METTL6: variants seen among roughly 807,000 people sequenced by gnomAD.
METTL6 encodes the protein tRNA N(3)-cytidine methyltransferase METTL6.
A neutral mutation model predicts 26.4 loss-of-function variants in METTL6; 22 were observed. The ratio of observed to expected loss-of-function variants is 0.83; its 90% confidence interval spans 0.59 to 1.19. METTL6 has a LOEUF of 1.19. Among genes scored for constraint, METTL6 ranks in the 50% most tolerant of loss-of-function variants. METTL6 has a pLI of 0.00. For missense variants in METTL6, 304 were observed against 324.8 expected, an observed-to-expected ratio of 0.94 and a Z score of 0.49; for synonymous variants, 109 against 116.2, an observed-to-expected ratio of 0.94 and a Z score of 0.40.
chr3:15,410,146 C>A lies in METTL6; in HGVS notation c.*1110G>T, dbSNP rs1490052040. Among the ~76,000 whole-genome samples the A allele has an allele frequency of 6.6e-6, 1 of 152,114 alleles. No individual in the cohort carries two copies. The highest frequency in any genetic ancestry group is 6.6e-5 in the Admixed American group (1 of 15,266). ...TTTATTTACATGTCTCTAACACACA[C>A]ACATACACTTCCTATTTTTTAATAC... On this transcript the variant is annotated 3_prime_UTR_variant, in exon 6 of 6. Transcript: ENST00000383790.
chr3:15,386,222 C>T (rs1379422775), intron 6 of METTL6, among the ~76,000 whole-genome samples: 1 of 152,116 alleles, frequency 6.6e-6, no homozygotes, highest in Admixed American at 6.5e-5. Context: ...TGTAAATTGT[C>T]ATGGTGCTGG....
chr3:15,415,080 GT>G (rs1394680645), intron 4 of METTL6, among the ~76,000 whole-genome samples: 1 of 151,964 alleles, frequency 6.6e-6, no homozygotes, highest in East Asian at 1.9e-4. Context: ...CCAGAATGTC[GT>G]TTTGGCTCTT....
At chr3:15,387,181 A>G (rs1333833383) in intron 6 of METTL6, among the ~76,000 whole-genome samples, 1 of 152,172 alleles carries the variant, frequency 6.6e-6, no homozygotes, top group Non-Finnish European at 1.5e-5. Context: ...GAGACAGTTT[A>G]ACAACTGCCT....
At chr3:15,414,330 G>C (rs969691358) in intron 4 of METTL6, 168 bp from the exon 5 acceptor site, 2 of 1,412,594 alleles carry the variant, frequency 1.4e-6, no homozygotes, top group African/African-American at 2.9e-5. Context: ...GTAAGACCAG[G>C]CAGGGCTCCA....
chr3:15,397,434 C>T (rs13068150), intron 6 of METTL6, among the ~76,000 whole-genome samples: 5 of 152,030 alleles, frequency 3.3e-5, no homozygotes, highest in Admixed American at 6.5e-5. Flanking sequence ...TGTGCTTCCC[C>T]GGGGAGGCGA....
chr3:15,406,205 T>C (rs964177048), downstream of METTL6, among the ~76,000 whole-genome samples: 8 of 152,054 alleles, frequency 5.3e-5, 1 homozygote, highest in Admixed American at 4.6e-4. Context: ...GACAAGGCAA[T>C]ATTGGTTGAC....
intron 1 of METTL6, among the ~76,000 whole-genome samples, 192 bp from the exon 2 acceptor site, chr3:15,426,827 T>C (rs2125055809): frequency 6.6e-6 from 1 of 152,336 alleles, no homozygotes; most frequent in Middle Eastern, 3.4e-3. Context: ...CCAGACTATC[T>C]CATGCACCAT....
chr3:15,409,219 A>G (rs1289606691), downstream of METTL6, among the ~76,000 whole-genome samples: 1 of 151,808 alleles, frequency 6.6e-6, no homozygotes, highest in East Asian at 1.9e-4. Context: ...CTATTATCCA[A>G]CCCCTTCACA....
intron 6 of METTL6, among the ~76,000 whole-genome samples, chr3:15,390,748 G>A (rs1157426465): frequency 1.3e-5 from 2 of 152,230 alleles, no homozygotes; most frequent in African/African-American, 4.8e-5. Context: ...GCTCAGTGGA[G>A]GGTCAGGGTG....
chr3:15,413,696 A>G (rs1334224758), intron 5 of METTL6: 1 of 1,249,306 alleles, frequency 8.0e-7, no homozygotes, highest in African/African-American at 1.5e-5. Flanking sequence ...TTTATTTTTA[A>G]CTGGACAAGA....
At chr3:15,398,994 C>G (rs1184741075) in intron 6 of METTL6, among the ~76,000 whole-genome samples, 1 of 152,132 alleles carries the variant, frequency 6.6e-6, no homozygotes, top group Non-Finnish European at 1.5e-5. Context: ...TGGCCAAAAC[C>G]CACCAAAACC....
In METTL6 at chr3:15,411,131, A is replaced by T. The variant is rs966644702; in HGVS notation, c.*125T>A. 4 of 1,058,618 alleles carry T rather than the reference A, an allele frequency of 3.8e-6. No individual in the cohort carries two copies. The highest frequency in any genetic ancestry group is 5.3e-6 in the Non-Finnish European group (4 of 749,292). The allele number at this position is 1,058,618 out of a possible 1,614,324, so 65.6% of individuals were successfully genotyped here. A position where few individuals can be genotyped will look rare whatever the true frequency, so the allele number is the denominator to read the frequency against. On this transcript the variant is annotated 3_prime_UTR_variant, in exon 6 of 6. Transcript: ENST00000383790. ...GCTGGTCTCAAACTCCTGACCTCAG[A>T]TGATCCCCCAACCTCGGCCTCCCGA...
intron 4 of METTL6, 186 bp downstream of exon 4, chr3:15,415,586 G>A (rs1202530905): frequency 6.2e-7 from 1 of 1,605,772 alleles, no homozygotes; most frequent in Non-Finnish European, 8.5e-7. Context: ...CCATGGCACT[G>A]CACAAATCAG....
intron 6 of METTL6, among the ~76,000 whole-genome samples, chr3:15,394,042 C>T (rs1699419705): frequency 6.6e-6 from 1 of 152,258 alleles, no homozygotes; most frequent in South Asian, 2.1e-4. Flanking sequence ...CCCTCTTTTT[C>T]TATTGATTGG....
chr3:15,413,606 C>T (rs531817704), intron 5 of METTL6: 2 of 1,167,116 alleles, frequency 1.7e-6, no homozygotes, highest in South Asian at 1.7e-5. Flanking sequence ...CAAAACAGAT[C>T]CAATCAATTC....
At chr3:15,414,258 T>C in intron 4 of METTL6, 96 bp from the exon 5 acceptor site, 1 of 1,508,212 alleles carries the variant, frequency 6.6e-7, no homozygotes, top group Non-Finnish European at 8.8e-7. Context: ...TGATAGTTAC[T>C]AAGGGGACAG....
chr3:15,427,558 C>A, upstream of METTL6: 1 of 553,086 alleles, frequency 1.8e-6, no homozygotes, highest in Non-Finnish European at 3.2e-6. Context: ...GAAGTTCCTA[C>A]CCGACGCCGG....
chr3:15,402,744 A>AG (rs952253595), intron 6 of METTL6, among the ~76,000 whole-genome samples: 3 of 150,952 alleles, frequency 2.0e-5, no homozygotes, highest in African/African-American at 7.4e-5. Flanking sequence ...TCAAAAAAAA[A>AG]AAAAAGAAAA....
At chr3:15,387,253 G>GTCTGCCT (rs1180224367) in intron 6 of METTL6, among the ~76,000 whole-genome samples, 1 of 152,214 alleles carries the variant, frequency 6.6e-6, no homozygotes, top group Non-Finnish European at 1.5e-5. Flanking sequence ...CCCTGCTCAT[G>GTCTGCCT]TCTGCCTAAC....
Sources: allele counts gnomAD v4.1 joint callset (sites outside exome capture counted in the v4.1 genomes callset), GRCh38; gene constraint gnomAD v4.1.1; transcripts MANE v1.5; gene names NCBI Gene and HGNC (gene_info 2026-07-23, HGNC 2026-07-21).